RSPO3: variants seen among roughly 807,000 people sequenced by gnomAD.
RSPO3 encodes R-spondin-3.
A neutral mutation model predicts 36.5 loss-of-function variants in RSPO3; 17 were observed. That is an observed-to-expected ratio of 0.47 (90% CI 0.32 to 0.70). The LOEUF is 0.70. Ranked by LOEUF, RSPO3 falls within the 30% of genes least tolerant of loss-of-function variation. RSPO3 has a pLI of 0.04. For missense variants in RSPO3, 294 were observed against 322.5 expected (o/e 0.91, Z 0.68); for synonymous variants, 108 against 107.0 (o/e 1.01, Z -0.06).
At chr6:127,165,668 T>C (rs914857202) in intron 4 of RSPO3, among the ~76,000 whole-genome samples, 3 of 152,036 alleles carry the variant, frequency 2.0e-5, no homozygotes, top group Non-Finnish European at 1.5e-5. Flanking sequence ...ATTTCTTCAA[T>C]TTTGAATTAA....
At chr6:127,151,311 A>T (rs1385335221) in intron 3 of RSPO3, among the ~76,000 whole-genome samples, 1 of 152,046 alleles carries the variant, frequency 6.6e-6, no homozygotes, top group Non-Finnish European at 1.5e-5. Flanking sequence ...TGTTTGTCTA[A>T]GTAACAGATC....
intron 3 of RSPO3, among the ~76,000 whole-genome samples, chr6:127,153,917 CTTAG>C (rs1270942544): frequency 6.6e-6 from 1 of 152,104 alleles, no homozygotes; most frequent in Non-Finnish European, 1.5e-5. Context: ...TATTAATTGA[CTTAG>C]TTACTCTATT....
chr6:127,136,725 G>C (rs1042785948), intron 1 of RSPO3, among the ~76,000 whole-genome samples: 2 of 152,102 alleles, frequency 1.3e-5, no homozygotes, highest in Non-Finnish European at 2.9e-5. Context: ...GGGGATAGTT[G>C]TTTTGTTTTT....
intron 3 of RSPO3, among the ~76,000 whole-genome samples, chr6:127,153,176 G>C (rs1393340677): frequency 6.6e-6 from 1 of 152,100 alleles, no homozygotes; most frequent in African/African-American, 2.4e-5. Flanking sequence ...AAGATTTCCA[G>C]TTTTAAGATG....
chr6:127,131,621 G>T (rs1774058901), intron 1 of RSPO3, among the ~76,000 whole-genome samples: 1 of 152,028 alleles, frequency 6.6e-6, no homozygotes, highest in Non-Finnish European at 1.5e-5. Context: ...AAGATGAGTT[G>T]AACAGTCTTA....
At chr6:127,157,910 T>A (rs1040064238) in intron 4 of RSPO3, among the ~76,000 whole-genome samples, 3 of 151,752 alleles carry the variant, frequency 2.0e-5, no homozygotes, top group Non-Finnish European at 2.9e-5. Flanking sequence ...ACAAACCAAA[T>A]AGAAAAGTAA....
intron 1 of RSPO3, among the ~76,000 whole-genome samples, chr6:127,130,117 T>C (rs1437001037): frequency 2.1e-4 from 32 of 152,142 alleles, no homozygotes; most frequent in Non-Finnish European, 2.9e-5. Flanking sequence ...TGCTATAATT[T>C]TAAGCTTTCA....
At chr6:127,180,342 G>A (rs950538737) in intron 4 of RSPO3, among the ~76,000 whole-genome samples, 2 of 151,508 alleles carry the variant, frequency 1.3e-5, no homozygotes, top group African/African-American at 4.8e-5. Context: ...ATTCAGAAGG[G>A]CCTTCTAAAC....
chr6:127,167,881 A>C (rs982896619), intron 4 of RSPO3, among the ~76,000 whole-genome samples: 1 of 151,332 alleles, frequency 6.6e-6, no homozygotes, highest in Non-Finnish European at 1.5e-5. Flanking sequence ...TGTCCTCATG[A>C]TAGTTTGCTG....
intron 4 of RSPO3, among the ~76,000 whole-genome samples, chr6:127,156,178 T>A (rs1194267545): frequency 6.6e-6 from 1 of 152,198 alleles, no homozygotes; most frequent in Non-Finnish European, 1.5e-5. Context: ...TGCATATTTC[T>A]TTTCATATTT....
chr6:127,136,250 T>C (rs1350094204), intron 1 of RSPO3, among the ~76,000 whole-genome samples: 1 of 152,298 alleles, frequency 6.6e-6, no homozygotes, highest in East Asian at 1.9e-4. Flanking sequence ...AATTATCTGT[T>C]CATTGACTGA....
chr6:127,148,470 CAT>C (rs1435653071), intron 1 of RSPO3, among the ~76,000 whole-genome samples, 176 bp from the exon 2 acceptor site: 1 of 151,622 alleles, frequency 6.6e-6, no homozygotes, highest in African/African-American at 2.4e-5. Context: ...AAAAACAATA[CAT>C]GTGCTAAAGG....
chr6:127,144,572 G>A (rs1472027955), intron 1 of RSPO3, among the ~76,000 whole-genome samples: 1 of 147,718 alleles, frequency 6.8e-6, no homozygotes, highest in Non-Finnish European at 1.5e-5. Flanking sequence ...AATACATTTT[G>A]TTCTCTTACC....
At chr6:127,171,159 AAAACC>A (rs1226506592) in intron 4 of RSPO3, among the ~76,000 whole-genome samples, 20 of 151,986 alleles carry the variant, frequency 1.3e-4, no homozygotes, top group African/African-American at 4.6e-4. Flanking sequence ...GATGTTTTCT[AAAACC>A]TCTTTTATAT....
intron 4 of RSPO3, among the ~76,000 whole-genome samples, chr6:127,164,888 G>A (rs1205616016): frequency 1.3e-5 from 2 of 152,050 alleles, no homozygotes; most frequent in Admixed American, 6.6e-5. Flanking sequence ...TTTTCTGCTG[G>A]AAGAGCTTGC....
chr6:127,158,642 T>G (rs1774643305), intron 4 of RSPO3, among the ~76,000 whole-genome samples: 1 of 152,118 alleles, frequency 6.6e-6, no homozygotes, highest in Admixed American at 6.5e-5. Context: ...AGTTGGGAGA[T>G]GCTTTTTAAT....
intron 4 of RSPO3, among the ~76,000 whole-genome samples, chr6:127,163,043 C>T (rs1372503983): frequency 6.6e-6 from 1 of 152,106 alleles, no homozygotes. Flanking sequence ...AAGACCTTGG[C>T]TTCCTTTACA....
Position 127,195,924 on chromosome 6 carries a change from G to A in RSPO3, c.736G>A (p.Glu246Lys). 1 of 1,613,274 alleles carries A rather than the reference G, an allele frequency of 6.2e-7. No homozygotes were observed. The highest frequency in any genetic ancestry group is 8.5e-7 in the Non-Finnish European group (1 of 1,179,494). Residue 246 changes from glutamate (E) to lysine (K), a missense_variant, in exon 5 of 5, where the codon GAG becomes AAG. Transcript: ENST00000356698. ...TCTGGAATCCAGCAAAGAAATCCCA[G>A]AGCAACGAGAAAACAAACAGCAGCA... ...KSLESSKEIP[E>K]QRENKQQQKK...
chr6:127,124,487 T>G (rs552146754), intron 1 of RSPO3, among the ~76,000 whole-genome samples: 2 of 152,156 alleles, frequency 1.3e-5, no homozygotes, highest in Admixed American at 1.3e-4. Flanking sequence ...CTATTTCTTC[T>G]AACAGTGCAT....
Sources: gnomAD v4.1 joint callset for allele counts (sites outside exome capture counted in the v4.1 genomes callset) on GRCh38, gnomAD v4.1.1 for gene constraint, MANE v1.5 for transcripts, NCBI Gene and HGNC (gene_info 2026-07-23, HGNC 2026-07-21) for gene names.